The following TINAGL1 variants were observed in gnomAD, a reference collection of about 807,000 sequenced individuals.
TINAGL1 encodes the protein tubulointerstitial nephritis antigen-like.
A neutral mutation model predicts 62.0 loss-of-function variants in TINAGL1; 34 were observed. The ratio of observed to expected loss-of-function variants is 0.55; its 90% CI spans 0.42 to 0.73. TINAGL1 has a LOEUF of 0.73. TINAGL1 is among the 30% of genes least tolerant of loss of function. TINAGL1 has a pLI of 0.00. For missense variants in TINAGL1, 516 were observed against 653.2 expected (o/e 0.79, Z 2.29); for synonymous variants, 221 against 249.7 (o/e 0.88, Z 1.08).
intron 3 of TINAGL1, among the ~76,000 whole-genome samples, chr1:31,581,491 A>G (rs529338497): frequency 6.6e-6 from 1 of 152,258 alleles, no homozygotes; most frequent in Non-Finnish European, 1.5e-5. Context: ...CTCTGATGTG[A>G]ACAACTGGGT....
chr1:31,586,308 G>A (rs1053814305), intron 10 of TINAGL1: 5 of 346,890 alleles, frequency 1.4e-5, no homozygotes, highest in Admixed American at 4.5e-5. Context: ...GGGAATTGGC[G>A]GTCTCTAAGA....
Position 31,583,237 on chromosome 1 carries a change from T to C in TINAGL1, c.463T>C (p.Tyr155His). 6.2e-7 allele frequency: 1 copy of C among 1,614,164 alleles called. No individual in the cohort carries two copies. The change falls in exon 4 of 12, where the codon TAT becomes CAT. Residue 155 changes from tyrosine (Y) to histidine (H), a missense_variant. Transcript: ENST00000271064. This position sits in a 1 kb window ranked among gnomAD's most constrained non-coding sequence, Gnocchi z 4.4. ...GATCAAAGCCATCAACCAGGGCAAC[T>C]ATGGGTGAGAGGCCCTAGAGGCACC... The part of the protein sequence containing the change: ...DMIKAINQGN[Y>H]GWQAGNHSAF...
chr1:31,580,199 C>CTCTCTCTCTCTCTG (rs1553149079), intron 3 of TINAGL1: 23,817 of 434,834 alleles, frequency 0.055, 403 homozygotes, highest in East Asian at 0.079. Flanking sequence ...CTCTCTCTCT[C>CTCTCTCTCTCTCTG]TCTCTCTCTC....
At position 31,576,667 on chromosome 1, in the gene TINAGL1, G is replaced by A. The variant is rs3738008; in HGVS notation, c.-16+72G>A. On this transcript the variant is annotated intron_variant, in intron 1 of 11. Transcript: ENST00000271064. The surrounding 1 kb of genome is among the most constrained non-coding windows in gnomAD (Gnocchi z 5.1). The stretch of plus-strand genomic sequence containing the variant: ...GAAACAGGGGGAGGGGGCAGGTAGA[G>A]GAACCAAGACAGATGGCAGAGAGAG... 0.057 allele frequency: 8,829 copies of A among 155,926 alleles called. 358 individuals are homozygous for A. Among genetic ancestry groups the A allele is most frequent in the East Asian group, 0.18 (932 of 5,206 alleles). The allele number at this position is 155,926 out of a possible 1,614,324, so 9.7% of individuals were successfully genotyped here.
rs1220236769 is a variant in TINAGL1 at position 31,583,479 on chromosome 1, C to T, written c.486C>T (p.His162=). ...QGNYGWQAGN[H]SAFWGMTLDE... ...CCTTCAGCTGGCAGGCTGGGAACCA[C>T]AGCGCCTTCTGGGGCATGACCCTGG... is the stretch of plus-strand genomic sequence containing the variant. The change falls in exon 5 of 12, where the codon CAC becomes CAT. Residue 162 remains histidine, a synonymous_variant. Coordinates refer to ENST00000271064, the MANE Select transcript of TINAGL1 (RefSeq NM_022164.3). The surrounding 1 kb of genome is among the most constrained non-coding windows in gnomAD (Gnocchi z 4.4). 1.2e-6 allele frequency: 2 copies of T among 1,613,832 alleles called. No homozygotes were observed. Among genetic ancestry groups the T allele is most frequent in the African/African-American group, 1.3e-5 (1 of 74,950 alleles).
At position 31,583,228 on chromosome 1, in the gene TINAGL1, C is replaced by T. The variant is rs1055362857; in HGVS notation, c.454C>T (p.Gln152Ter). The change falls in exon 4 of 12, where the codon CAG becomes TAG. Residue 152 changes from glutamine (Q) to a stop codon, truncating the protein, a stop_gained. Coordinates refer to ENST00000271064, the MANE Select transcript of TINAGL1 (RefSeq NM_022164.3). LOFTEE classifies it high-confidence loss of function. The surrounding 1 kb of genome is among the most constrained non-coding windows in gnomAD (Gnocchi z 4.4). ...VDPDMIKAINQGNYGWQAGNH... is the reference protein window; with the variant it reads ...VDPDMIKAIN ...TCCAGACATGATCAAAGCCATCAAC[C>T]AGGGCAACTATGGGTGAGAGGCCCT... 1 of 1,614,192 alleles carries T rather than the reference C, an allele frequency of 6.2e-7. No homozygotes were observed. Among genetic ancestry groups the T allele is most frequent in the Admixed American group, 1.7e-5 (1 of 60,034 alleles).
chr1:31,586,844 G>A lies in TINAGL1; in HGVS notation c.1269G>A (p.Ala423=), dbSNP rs759774712. Residue 423 remains alanine (A), a synonymous_variant, in exon 12 of 12, where the codon GCG becomes GCA. Transcript: ENST00000271064. ...PDGRTLKYWT[A]ANSWGPAWGE... ...CCACCCCTCCTTATTCCCAGACTGC[G>A]GCCAACTCCTGGGGCCCAGCCTGGG... 3.2e-5 allele frequency: 49 copies of A among 1,545,848 alleles called. No individual in the cohort carries two copies. The highest frequency in any genetic ancestry group is 2.2e-4 in the South Asian group (18 of 82,460).
intron 10 of TINAGL1, chr1:31,586,223 T>G: frequency 3.3e-6 from 1 of 299,616 alleles, no homozygotes. Context: ...TGGCCTCAGT[T>G]TCCCTATCCG....
chr1:31,580,532 G>A, intron 3 of TINAGL1: 1 of 1,289,254 alleles, frequency 7.8e-7, no homozygotes, highest in Non-Finnish European at 1.0e-6. Context: ...TGTGCAGAGA[G>A]GGAAAGGAAG....
At position 31,586,920 on chromosome 1, in the gene TINAGL1, G is replaced by A; in HGVS notation, c.1345G>A (p.Glu449Lys). ...GCGCGGCGTCAATGAGTGCGACATC[G>A]AGAGCTTCGTGCTGGGCGTCTGGGG... Reference protein sequence around the residue: ...IVRGVNECDIESFVLGVWGRV... With the variant: ...IVRGVNECDIKSFVLGVWGRV... Residue 449 changes from glutamate (E) to lysine (K), a missense_variant, in exon 12 of 12, where the codon GAG becomes AAG. Transcript: ENST00000271064. The A allele has an allele frequency of 6.5e-7, 1 of 1,541,438 alleles. No individual in the cohort carries two copies. Among genetic ancestry groups the A allele is most frequent in the Non-Finnish European group, 8.7e-7 (1 of 1,146,704 alleles).
chr1:31,579,173 G>A (rs1639131847), intron 2 of TINAGL1, 31 bp from the exon 3 acceptor site: 1 of 1,601,700 alleles, frequency 6.2e-7, no homozygotes, highest in Non-Finnish European at 8.6e-7. Flanking sequence ...TCTGGTTCTG[G>A]TTCCACTTCT....
intron 3 of TINAGL1, among the ~76,000 whole-genome samples, chr1:31,582,147 T>C (rs950070268): frequency 2.6e-5 from 4 of 151,756 alleles, no homozygotes; most frequent in African/African-American, 9.7e-5. Flanking sequence ...CTGGGCAACA[T>C]AGCAAAACCC....
At position 31,584,424 on chromosome 1, in the gene TINAGL1, C is replaced by T; in HGVS notation, c.583-254C>T. On this transcript the variant is annotated intron_variant, in intron 5 of 11. Transcript: ENST00000271064. The surrounding 1 kb of genome is among the most constrained non-coding windows in gnomAD (Gnocchi z 4.0). ...CTTCTCTGTGCCTGGCCTCAGCTGC[C>T]TCATCTGGGAAGCAGGACTAGTCAC... The T allele has an allele frequency of 1.9e-6, 1 of 515,412 alleles. No individual in the cohort carries two copies. Among genetic ancestry groups the T allele is most frequent in the Non-Finnish European group, 3.5e-6 (1 of 282,848 alleles). The allele number at this position is 515,412 out of a possible 1,614,324, so 31.9% of individuals were successfully genotyped here. A position where few individuals can be genotyped will look rare whatever the true frequency, so the allele number is the denominator to read the frequency against.
At chr1:31,580,422 C>T (rs904241360) in intron 3 of TINAGL1, 17 of 1,288,964 alleles carry the variant, frequency 1.3e-5, no homozygotes, top group African/African-American at 6.1e-5. Context: ...GCTCTGGGGG[C>T]GAGGGTGGGG....
intron 3 of TINAGL1, among the ~76,000 whole-genome samples, chr1:31,579,529 C>T (rs150655875): frequency 1.9e-4 from 29 of 152,354 alleles, no homozygotes; most frequent in African/African-American, 7.0e-4. Context: ...CCCCACCCCT[C>T]CTGGCTTGGG....
intron 2 of TINAGL1, among the ~76,000 whole-genome samples, chr1:31,578,472 A>G (rs1639078047): frequency 7.6e-6 from 1 of 130,948 alleles, no homozygotes; most frequent in South Asian, 2.6e-4. Context: ...GTCTTCAGTT[A>G]TAGTTTAATT....
At chr1:31,578,382 G>C (rs939369662) in intron 2 of TINAGL1, among the ~76,000 whole-genome samples, 1 of 146,190 alleles carries the variant, frequency 6.8e-6, no homozygotes, top group African/African-American at 2.5e-5. Flanking sequence ...GCTGGTATGT[G>C]TGTGTGTGTG....
Position 31,585,750 on chromosome 1 carries a change from C to G in TINAGL1, c.1094-3C>G. 1 of 1,612,380 alleles carries G rather than the reference C, an allele frequency of 6.2e-7. No homozygotes were observed. Among genetic ancestry groups the G allele is most frequent in the Non-Finnish European group, 8.5e-7 (1 of 1,179,186 alleles). On this transcript the variant is annotated splice_region_variant and splice_polypyrimidine_tract_variant and intron_variant, in intron 9 of 11. Transcript: ENST00000271064. The surrounding 1 kb of genome is among the most constrained non-coding windows in gnomAD (Gnocchi z 4.3). ...TGGACCCTACCTTGACATCTGCCCACAGCCCTCATGGAGGTGCATGAGGAC... is the reference window on the plus strand; with the variant it reads ...TGGACCCTACCTTGACATCTGCCCAGAGCCCTCATGGAGGTGCATGAGGAC...
Position 31,584,526 on chromosome 1 carries a change from A to G in TINAGL1, c.583-152A>G. On this transcript the variant is annotated intron_variant, in intron 5 of 11. Coordinates refer to ENST00000271064, the MANE Select transcript of TINAGL1 (RefSeq NM_022164.3). This position sits in a 1 kb window ranked among gnomAD's most constrained non-coding sequence, Gnocchi z 4.0. The stretch of plus-strand genomic sequence containing the variant: ...GTGCTTGGTTCTTCAACACAAGTCA[A>G]AATTGGAGGCAGCTGGAATCCTGCA... 9.3e-6 allele frequency: 12 copies of G among 1,293,860 alleles called. No homozygotes were observed. The highest frequency in any genetic ancestry group is 1.3e-5 in the Non-Finnish European group (12 of 929,488). 80.1% of individuals were successfully genotyped at this position (1,293,860 alleles called of 1,614,324 possible). A position where few individuals can be genotyped will look rare whatever the true frequency, so the allele number is the denominator to read the frequency against.
Sources: allele counts gnomAD v4.1 joint callset (sites outside exome capture counted in the v4.1 genomes callset), GRCh38; gene constraint gnomAD v4.1.1; non-coding constraint Gnocchi (gnomAD v3.1); transcripts MANE v1.5; gene names NCBI Gene and HGNC (gene_info 2026-07-23, HGNC 2026-07-21).